The following SLC24A3 variants were observed in gnomAD, a reference collection of about 807,000 sequenced individuals.
The protein encoded by SLC24A3 is sodium/potassium/calcium exchanger 3.
A neutral mutation model predicts 75.8 loss-of-function variants in SLC24A3; 28 were observed. The observed-to-expected ratio is 0.37, with a 90% CI of 0.27 to 0.51. SLC24A3 has a LOEUF of 0.51. Ranked by LOEUF, SLC24A3 falls within the 20% of genes least tolerant of loss-of-function variation. SLC24A3 has a pLI of 0.94. For synonymous variants in SLC24A3, 372 were observed against 334.1 expected, an observed-to-expected ratio of 1.11 and a Z score of -1.24; for missense variants, 663 against 847.8, an observed-to-expected ratio of 0.78 and a Z score of 2.71.
intron 2 of SLC24A3, among the ~76,000 whole-genome samples, chr20:19,444,774 G>A (rs1466192199): frequency 6.6e-6 from 1 of 151,390 alleles, no homozygotes; most frequent in East Asian, 1.9e-4. Flanking sequence ...TTTTTGTTTT[G>A]CTGATTTTAT....
At chr20:19,417,415 T>G (rs1327057299) in intron 2 of SLC24A3, among the ~76,000 whole-genome samples, 3 of 152,310 alleles carry the variant, frequency 2.0e-5, no homozygotes, top group Non-Finnish European at 4.4e-5. Context: ...AGCGGGCAGA[T>G]GAGAGGTGTC....
intron 2 of SLC24A3, among the ~76,000 whole-genome samples, chr20:19,353,365 GAC>G (rs1200580986): frequency 2.6e-5 from 4 of 152,014 alleles, no homozygotes; most frequent in Non-Finnish European, 5.9e-5. Context: ...TGAAAGGAGA[GAC>G]AGTTTAATCA....
intron 6 of SLC24A3, among the ~76,000 whole-genome samples, chr20:19,640,067 C>G (rs1382341210): frequency 6.6e-6 from 1 of 152,242 alleles, no homozygotes; most frequent in Non-Finnish European, 1.5e-5. Context: ...TTGATCAGCC[C>G]AGAAAGGGGC....
chr20:19,371,285 G>A (rs11907250), intron 2 of SLC24A3, among the ~76,000 whole-genome samples: 10,993 of 152,234 alleles, frequency 0.072, 1,267 homozygotes, highest in African/African-American at 0.25. Context: ...ACTCATTTCA[G>A]CAAAGAGATA....
intron 2 of SLC24A3, among the ~76,000 whole-genome samples, chr20:19,371,998 A>G (rs1037077572): frequency 1.3e-5 from 2 of 152,166 alleles, no homozygotes; most frequent in Admixed American, 6.5e-5. Context: ...TCATCCCCAG[A>G]CCAGACCCAG....
At chr20:19,467,747 G>A (rs550347536) in intron 2 of SLC24A3, among the ~76,000 whole-genome samples, 1 of 152,196 alleles carries the variant, frequency 6.6e-6, no homozygotes, top group Admixed American at 6.5e-5. Flanking sequence ...TGGGCGTAGT[G>A]GTGCACGCCT....
chr20:19,572,323 G>A (rs942053075), intron 3 of SLC24A3, among the ~76,000 whole-genome samples: 2 of 152,082 alleles, frequency 1.3e-5, no homozygotes, highest in East Asian at 3.9e-4. Flanking sequence ...TCCAGTCTGG[G>A]CAACAGAGCA....
At chr20:19,323,619 T>C (rs1242753063) in intron 2 of SLC24A3, among the ~76,000 whole-genome samples, 1 of 152,116 alleles carries the variant, frequency 6.6e-6, no homozygotes, top group Non-Finnish European at 1.5e-5. Context: ...CTGTCAGTTT[T>C]CCCCCTGTGA....
At chr20:19,516,513 C>T (rs1023690845) in intron 3 of SLC24A3, among the ~76,000 whole-genome samples, 8 of 152,250 alleles carry the variant, frequency 5.3e-5, no homozygotes, top group Non-Finnish European at 1.2e-4. Context: ...GGGAATGCTG[C>T]TCCACGGAAT....
chr20:19,583,913 C>G (rs1184476454), intron 4 of SLC24A3, among the ~76,000 whole-genome samples: 1 of 152,208 alleles, frequency 6.6e-6, no homozygotes, highest in Non-Finnish European at 1.5e-5. Flanking sequence ...GATCAAAATC[C>G]TCAGTTAGGG....
At chr20:19,347,850 A>G (rs560303923) in intron 2 of SLC24A3, among the ~76,000 whole-genome samples, 1 of 152,310 alleles carries the variant, frequency 6.6e-6, no homozygotes, top group South Asian at 2.1e-4. Flanking sequence ...TTCGGACTTC[A>G]CATCTGCAAA....
intron 2 of SLC24A3, among the ~76,000 whole-genome samples, chr20:19,291,407 C>A (rs1348438835): frequency 6.6e-6 from 1 of 152,224 alleles, no homozygotes; most frequent in African/African-American, 2.4e-5. Flanking sequence ...GTCAGAGGCA[C>A]CAAGCACAGT....
intron 2 of SLC24A3, among the ~76,000 whole-genome samples, chr20:19,282,648 A>G (rs1983696771): frequency 6.6e-6 from 1 of 152,264 alleles, no homozygotes; most frequent in Non-Finnish European, 1.5e-5. Context: ...ATTAGGATTA[A>G]TCAGCTAATA....
chr20:19,688,340 T>C (rs1407783440), intron 12 of SLC24A3, among the ~76,000 whole-genome samples: 1 of 152,232 alleles, frequency 6.6e-6, no homozygotes, highest in East Asian at 1.9e-4. Context: ...GAAAGCCTGA[T>C]TCAGAGCCCG....
intron 2 of SLC24A3, among the ~76,000 whole-genome samples, chr20:19,315,856 A>G (rs1167274857): frequency 3.9e-5 from 6 of 152,240 alleles, no homozygotes; most frequent in African/African-American, 9.6e-5. Context: ...TGAAAATATC[A>G]TAAGTTGAAA....
At chr20:19,666,845 C>T (rs934210062) in intron 8 of SLC24A3, among the ~76,000 whole-genome samples, 1 of 152,168 alleles carries the variant, frequency 6.6e-6, no homozygotes, top group Non-Finnish European at 1.5e-5. Flanking sequence ...TCCAACTGTT[C>T]AAATCCTCGT....
rs529292271 is a variant in SLC24A3, at chr20:19,478,710, C to A, written c.272-36778C>A. On this transcript the variant is annotated intron_variant, in intron 2 of 16. Transcript: ENST00000328041. ...GCTTTTATGCTGTAAAAGAACCCTG[C>A]ATGCCTTCTGTGTCCGATAGATAAG... Among the ~76,000 whole-genome samples the A allele has an allele frequency of 5.9e-5, 9 of 152,332 alleles. No individual in the cohort carries two copies. In the South Asian group the frequency reaches 1.7e-3, roughly 28 times the overall value.
chr20:19,538,244 A>G (rs1333123246), intron 3 of SLC24A3, among the ~76,000 whole-genome samples: 21 of 152,160 alleles, frequency 1.4e-4, no homozygotes, highest in Admixed American at 1.4e-3. Flanking sequence ...TGGCTTGTGT[A>G]GAAACATCAA....
chr20:19,624,168 G>A lies in SLC24A3; in HGVS notation c.613-29894G>A, dbSNP rs374315513. Among the ~76,000 whole-genome samples the A allele has an allele frequency of 2.6e-4, 40 of 152,222 alleles. 1 individual carries two copies. The highest frequency in any genetic ancestry group is 1.0e-3 in the Admixed American group (16 of 15,290). ...TTCAAGTATTTTACCTGTCACCTGC[G>A]TTTCTTCTCAGTCCCTTCTCTCTGA... On this transcript the variant is annotated intron_variant, in intron 6 of 16. Coordinates refer to ENST00000328041, the MANE Select transcript of SLC24A3 (RefSeq NM_020689.4).
Sources: gnomAD v4.1 joint callset for allele counts (sites outside exome capture counted in the v4.1 genomes callset) on GRCh38, gnomAD v4.1.1 for gene constraint, MANE v1.5 for transcripts, NCBI Gene and HGNC (gene_info 2026-07-23, HGNC 2026-07-21) for gene names.